The following PALM2AKAP2 variants were observed in gnomAD, a reference collection of about 807,000 sequenced individuals.
PALM2AKAP2 encodes PALM2-AKAP2 fusion protein.
Under a neutral mutation model 71.5 loss-of-function variants are expected in PALM2AKAP2, and 37 were observed. That is an observed-to-expected ratio of 0.52 (90% CI 0.40 to 0.68). The LOEUF (loss-of-function observed/expected upper bound fraction) is 0.68. Ranked by LOEUF, PALM2AKAP2 falls within the 30% of genes least tolerant of loss-of-function variation. PALM2AKAP2 has a pLI of 0.00. For missense variants in PALM2AKAP2, 1,224 were observed against 1,191.8 expected, an observed-to-expected ratio of 1.03 and a Z score of -0.40; for synonymous variants, 468 against 478.8, an observed-to-expected ratio of 0.98 and a Z score of 0.29.
intron 1 of PALM2AKAP2, among the ~76,000 whole-genome samples, chr9:109,850,777 GAGAA>G (rs1828987683): frequency 6.6e-6 from 1 of 152,204 alleles, no homozygotes; most frequent in African/African-American, 2.4e-5. Context: ...ATTTCAGACT[GAGAA>G]AGAAAGAGCT....
chr9:110,082,940 G>C (rs1214552463), intron 1 of PALM2AKAP2, among the ~76,000 whole-genome samples: 1 of 152,134 alleles, frequency 6.6e-6, no homozygotes, highest in African/African-American at 2.4e-5. Flanking sequence ...TCGGGAGTTC[G>C]AGATCACCCT....
Position 109,836,580 on chromosome 9 carries a change from C to T in PALM2AKAP2, c.46-30911C>T, listed in dbSNP as rs560965381. On this transcript the variant is annotated intron_variant, in intron 1 of 9. Transcript: ENST00000302798. ...AAGGCTTCAGATGATCAAACTTCTC[C>T]GAGCTAAAGGAGGAAGTTCAAACCC... Among the ~76,000 whole-genome samples the T allele has an allele frequency of 2.6e-3, 391 of 152,274 alleles. 4 individuals carry two copies. The highest frequency in any genetic ancestry group is 8.8e-3 in the African/African-American group (366 of 41,562).
At position 109,692,628 on chromosome 9, in the gene PALM2AKAP2, G is replaced by C. The variant is rs76018393; in HGVS notation, c.5+51762G>C. ...TTTCCTTCAACTCTTAGTTTGCTGA[G>C]AGTTATTTTAATAAATGGATATTTA... is the stretch of plus-strand genomic sequence containing the variant. On this transcript the variant is annotated intron_variant, in intron 1 of 6. Transcript: ENST00000374531. Among the ~76,000 whole-genome samples the C allele has an allele frequency of 8.1e-4, 123 of 151,920 alleles. 3 individuals carry two copies. Among genetic ancestry groups the C allele is most frequent in the African/African-American group, 2.9e-3 (122 of 41,480 alleles).
chr9:109,744,798 C>A (rs982307937), intron 1 of PALM2AKAP2, among the ~76,000 whole-genome samples: 1 of 152,182 alleles, frequency 6.6e-6, no homozygotes, highest in Admixed American at 6.5e-5. Context: ...TCATGTGGAG[C>A]AGAAACCTCC....
chr9:109,876,475 T>G (rs1305089499), intron 2 of PALM2AKAP2, among the ~76,000 whole-genome samples: 2 of 152,138 alleles, frequency 1.3e-5, no homozygotes, highest in East Asian at 1.9e-4. Flanking sequence ...TTTCCAGTTT[T>G]TTTTCTTTCT....
intron 1 of PALM2AKAP2, among the ~76,000 whole-genome samples, chr9:109,682,348 T>C (rs1827748911): frequency 6.6e-6 from 1 of 152,236 alleles, no homozygotes; most frequent in South Asian, 2.1e-4. Flanking sequence ...AGGAAAAATA[T>C]TGCCTTGTAC....
At chr9:109,726,887 T>G (rs1828485687) in intron 1 of PALM2AKAP2, among the ~76,000 whole-genome samples, 1 of 152,226 alleles carries the variant, frequency 6.6e-6, no homozygotes, top group South Asian at 2.1e-4. Flanking sequence ...AAAACCCACA[T>G]GTGGCTATGG....
intron 7 of PALM2AKAP2, among the ~76,000 whole-genome samples, chr9:110,038,334 A>AAAC (rs1833449957): frequency 1.5e-5 from 1 of 66,372 alleles, no homozygotes. Context: ...TCTCAAAAAC[A>AAAC]AACAAACAAA....
intron 1 of PALM2AKAP2, among the ~76,000 whole-genome samples, chr9:110,051,794 T>C (rs1168328548): frequency 9.2e-5 from 14 of 152,260 alleles, no homozygotes; most frequent in Admixed American, 9.2e-4. Flanking sequence ...TAGTACTCAC[T>C]GCTTAGATTG....
intron 1 of PALM2AKAP2, among the ~76,000 whole-genome samples, chr9:109,858,970 T>A (rs7875150): frequency 0.29 from 43,603 of 152,072 alleles, 6,675 homozygotes; most frequent in East Asian, 0.46. Context: ...ATAACCCATA[T>A]GGGCTATAAA....
chr9:110,132,032 C>CGTGTGTGTGT (rs3063946), intron 1 of PALM2AKAP2, among the ~76,000 whole-genome samples: 30 of 147,534 alleles, frequency 2.0e-4, no homozygotes, highest in African/African-American at 5.0e-4. Flanking sequence ...AAGTAACTAG[C>CGTGTGTGTGT]GTGTGTGTGT....
chr9:109,798,581 C>A (rs183012466), intron 1 of PALM2AKAP2, among the ~76,000 whole-genome samples: 37 of 152,312 alleles, frequency 2.4e-4, no homozygotes, highest in Admixed American at 2.3e-3. Context: ...GTTAAACATA[C>A]CCTCACCTAG....
At position 109,971,283 on chromosome 9, in the gene PALM2AKAP2, C is replaced by CTTTTTTT. The variant is rs11392589; in HGVS notation, c.496+39280_496+39286dup. On this transcript the variant is annotated intron_variant, in intron 6 of 9. Coordinates refer to the PALM2AKAP2 transcript ENST00000302798. ...TCCATGTTTATCCCACTCTTAGTCC[C>CTTTTTTT]TTTTTTTTTTTTTTTTTTTTTTTTT... Among the ~76,000 whole-genome samples, 40 of 45,676 alleles carry CTTTTTTT rather than the reference C, an allele frequency of 8.8e-4. 1 individual carries two copies. The highest frequency in any genetic ancestry group is 4.0e-3 in the African/African-American group (32 of 8,054). The allele number at this position is 45,676 out of a possible 152,430, so 30.0% of individuals were successfully genotyped here.
intron 1 of PALM2AKAP2, among the ~76,000 whole-genome samples, chr9:110,067,347 G>T (rs770199188): frequency 6.6e-6 from 1 of 152,224 alleles, no homozygotes; most frequent in African/African-American, 2.4e-5. Flanking sequence ...TTTGCTGAAT[G>T]AAGTATTTTA....
chr9:110,043,704 G>A (rs1336687400), upstream of PALM2AKAP2, among the ~76,000 whole-genome samples: 13 of 104,370 alleles, frequency 1.2e-4, no homozygotes, highest in South Asian at 2.9e-4. Context: ...TGTAAACTAC[G>A]TTTTTTTTGG....
chr9:109,788,277 A>G (rs571362065), intron 1 of PALM2AKAP2, among the ~76,000 whole-genome samples: 1 of 152,314 alleles, frequency 6.6e-6, no homozygotes, highest in Admixed American at 6.5e-5. Context: ...AGCCTAACTC[A>G]TGTCAGTCAG....
At chr9:110,161,114 A>C (rs1236615652) in intron 3 of PALM2AKAP2, among the ~76,000 whole-genome samples, 1 of 152,016 alleles carries the variant, frequency 6.6e-6, no homozygotes. Flanking sequence ...TTACGTTCTC[A>C]CTCGTACCCT....
intron 1 of PALM2AKAP2, among the ~76,000 whole-genome samples, chr9:109,843,160 A>AAAAAAAAAC (rs1828752057): frequency 6.7e-6 from 1 of 148,904 alleles, no homozygotes; most frequent in Admixed American, 6.7e-5. Context: ...AAAAAAAAAA[A>AAAAAAAAAC]TCGAACAATT....
chr9:110,164,979 GCACCCA>G (rs1836699427), intron 3 of PALM2AKAP2, among the ~76,000 whole-genome samples: 1 of 152,114 alleles, frequency 6.6e-6, no homozygotes, highest in South Asian at 2.1e-4. Flanking sequence ...CATCAACTCT[GCACCCA>G]GAGTGCAGAG....
Sources: allele counts gnomAD v4.1 joint callset (sites outside exome capture counted in the v4.1 genomes callset), GRCh38; gene constraint gnomAD v4.1.1; transcripts MANE v1.5; gene names NCBI Gene and HGNC (gene_info 2026-07-23, HGNC 2026-07-21).